Variants in SLC25A17 observed in about 807,000 individuals in gnomAD.
SLC25A17 encodes peroxisomal membrane protein PMP34.
A neutral mutation model predicts 38.5 loss-of-function variants in SLC25A17; 26 were observed. The observed-to-expected ratio is 0.68, with a 90% CI of 0.50 to 0.94. The LOEUF is 0.94. SLC25A17 is among the 40% of genes least tolerant of loss of function. The pLI, the probability that SLC25A17 is intolerant of heterozygous loss-of-function variation, is 0.00. For missense variants in SLC25A17, 333 were observed against 372.7 expected, an observed-to-expected ratio of 0.89 and a Z score of 0.88; for synonymous variants, 139 against 136.2, an observed-to-expected ratio of 1.02 and a Z score of -0.14.
chr22:40,804,717 G>A (rs560718100), intron 1 of SLC25A17, among the ~76,000 whole-genome samples: 1 of 152,302 alleles, frequency 6.6e-6, no homozygotes, highest in East Asian at 1.9e-4. Context: ...AGCCTGAAGT[G>A]TTTTATTGAG....
In SLC25A17 at chr22:40,773,970, C is replaced by T. The variant is rs777805793; in HGVS notation, c.743G>A (p.Arg248Gln). The T allele has an allele frequency of 4.3e-6, 7 of 1,613,074 alleles. No homozygotes were observed. The East Asian group carries it at 6.7e-5, about 15-fold the overall frequency. ...NPENRTLGSL[R>Q]NILYLLHQRV... ...TTGGTGAAGAAGATAGAGAATATTCCGAAGACTTCCCAATGTTCTGTTTTC... is the reference window on the plus strand; with the variant it reads ...TTGGTGAAGAAGATAGAGAATATTCTGAAGACTTCCCAATGTTCTGTTTTC... The change falls in exon 8 of 9, where the codon CGG (arginine) becomes CAG (glutamine). Residue 248 changes from arginine to glutamine, a missense_variant. By Grantham distance (43) the Arg-to-Gln change is conservative. Transcript: ENST00000435456.
intron 4 of SLC25A17, among the ~76,000 whole-genome samples, chr22:40,781,446 C>T (rs141476877): frequency 0.018 from 2,806 of 152,042 alleles, 79 homozygotes; most frequent in African/African-American, 0.063. Context: ...GGGGTTTCAC[C>T]GTGTTAGCCA....
intron 1 of SLC25A17, among the ~76,000 whole-genome samples, chr22:40,807,009 T>C (rs554969604): frequency 6.6e-6 from 1 of 152,310 alleles, no homozygotes; most frequent in South Asian, 2.1e-4. Context: ...ATTGCCACCA[T>C]GCCCGGCCAT....
At position 40,799,082 on chromosome 22, in the gene SLC25A17, C is replaced by T; in HGVS notation, c.56G>A (p.Gly19Glu). 2 of 1,613,290 alleles carry T rather than the reference C, an allele frequency of 1.2e-6. No individual in the cohort carries two copies. Among genetic ancestry groups the T allele is most frequent in the Non-Finnish European group, 1.7e-6 (2 of 1,179,488 alleles). Residue 19 changes from glycine (G) to glutamate (E), a missense_variant and splice_region_variant, in exon 2 of 9, where the codon GGA becomes GAA. Gly to Glu is a moderately conservative substitution (Grantham distance 98). Transcript: ENST00000435456. ...SLVHAVAGAVGSVTAMTVFFP... is the reference protein window; with the variant it reads ...SLVHAVAGAVESVTAMTVFFP... ...AAACACTGTCATTGCTGTCACGCTTCCCTGAAAAGTTTGAAAAAGGCCATT... is the reference window on the plus strand; with the variant it reads ...AAACACTGTCATTGCTGTCACGCTTTCCTGAAAAGTTTGAAAAAGGCCATT...
intron 1 of SLC25A17, among the ~76,000 whole-genome samples, chr22:40,804,673 G>A (rs1474353099): frequency 6.6e-6 from 1 of 152,140 alleles, no homozygotes; most frequent in African/African-American, 2.4e-5. Flanking sequence ...CTATTGTATA[G>A]GTTGTCTCTT....
intron 8 of SLC25A17, 110 bp from the exon 9 acceptor site, chr22:40,771,091 A>G (rs967690126): frequency 1.1e-6 from 1 of 949,726 alleles, no homozygotes; most frequent in Non-Finnish European, 1.5e-6. Context: ...AGATTTCAAC[A>G]CAGACTTCTG....
At chr22:40,804,883 G>A (rs559794828) in intron 1 of SLC25A17, among the ~76,000 whole-genome samples, 1 of 152,086 alleles carries the variant, frequency 6.6e-6, no homozygotes, top group Admixed American at 6.6e-5. Flanking sequence ...GTCAAGGCAG[G>A]TGGATCACTT....
intron 4 of SLC25A17, among the ~76,000 whole-genome samples, chr22:40,783,747 C>A (rs1343819118): frequency 4.0e-5 from 6 of 151,852 alleles, no homozygotes; most frequent in Non-Finnish European, 2.9e-5. Flanking sequence ...GCTCTATCTC[C>A]CAGGCTGGAG....
intron 1 of SLC25A17, among the ~76,000 whole-genome samples, chr22:40,804,968 AGGAAAGAAAGAG>A (rs1478811892): frequency 6.6e-6 from 1 of 151,878 alleles, no homozygotes; most frequent in Non-Finnish European, 1.5e-5. Flanking sequence ...AAAAAAGGTG[AGGAAAGAAAGAG>A]AAGGAAGGAA....
intron 4 of SLC25A17, among the ~76,000 whole-genome samples, chr22:40,788,563 C>T (rs941775575): frequency 2.0e-5 from 3 of 152,042 alleles, no homozygotes; most frequent in East Asian, 1.9e-4. Context: ...TGGTGGTGTG[C>T]GCCTGTAATT....
chr22:40,814,554 C>T (rs1365266270), intron 1 of SLC25A17, among the ~76,000 whole-genome samples: 1 of 152,070 alleles, frequency 6.6e-6, no homozygotes, highest in Non-Finnish European at 1.5e-5. Flanking sequence ...TCCTTGAGAA[C>T]TCCATGTAAC....
At chr22:40,796,036 G>A (rs368750791) in intron 2 of SLC25A17, among the ~76,000 whole-genome samples, 212 of 151,994 alleles carry the variant, frequency 1.4e-3, no homozygotes, top group African/African-American at 4.9e-3. Flanking sequence ...TGATCCGCCC[G>A]CCTCGGCCTC....
intron 5 of SLC25A17, among the ~76,000 whole-genome samples, chr22:40,777,690 G>A (rs942960736): frequency 2.0e-5 from 3 of 151,508 alleles, no homozygotes; most frequent in Non-Finnish European, 4.4e-5. Flanking sequence ...GCTGAGGCAG[G>A]AGAATTGCTT....
chr22:40,795,339 C>T (rs1488394996), intron 2 of SLC25A17, among the ~76,000 whole-genome samples: 4 of 151,932 alleles, frequency 2.6e-5, no homozygotes, highest in African/African-American at 9.7e-5. Context: ...GTCACCCAGG[C>T]TGGAGTGCAG....
chr22:40,781,189 G>GA (rs957524107), intron 4 of SLC25A17, among the ~76,000 whole-genome samples: 21 of 148,004 alleles, frequency 1.4e-4, no homozygotes, highest in East Asian at 1.4e-3. Flanking sequence ...AAAGAAAAAA[G>GA]AAAAAAAAAT....
chr22:40,810,191 T>C (rs193068114), intron 1 of SLC25A17, among the ~76,000 whole-genome samples: 1 of 152,094 alleles, frequency 6.6e-6, no homozygotes, highest in Non-Finnish European at 1.5e-5. Context: ...ATCTCCAGAG[T>C]GCTAACAGTG....
intron 1 of SLC25A17, among the ~76,000 whole-genome samples, chr22:40,810,340 A>T (rs1019506230): frequency 1.3e-5 from 2 of 150,768 alleles, no homozygotes; most frequent in African/African-American, 4.9e-5. Flanking sequence ...GCTATGCATT[A>T]AATATTCTTT....
chr22:40,776,945 A>G, intron 7 of SLC25A17, 95 bp downstream of exon 7: 1 of 1,038,518 alleles, frequency 9.6e-7, no homozygotes, highest in South Asian at 1.4e-5. Flanking sequence ...ATACCAACTA[A>G]CTGCTTTATT....
rs747382666 is a variant in SLC25A17 at position 40,779,112 on chromosome 22, C to A, written c.348G>T (p.Val116=). The A allele has an allele frequency of 6.2e-7, 1 of 1,614,170 alleles. No individual in the cohort carries two copies. Among genetic ancestry groups the A allele is most frequent in the East Asian group, 2.2e-5 (1 of 44,888 alleles). Residue 116 remains valine, a synonymous_variant, in exon 5 of 9, where the codon GTG becomes GTT. Coordinates refer to ENST00000435456, the MANE Select transcript of SLC25A17 (RefSeq NM_006358.4). ...VVGFVAGVVN[V]LLTTPLWVVN... is the part of the protein sequence containing the mutation. Reference sequence around the variant, plus strand: ...CCACCCAGAGTGGAGTTGTTAGCAACACATTAACCACTCCTTTAACAAGAA... The same window carrying A: ...CCACCCAGAGTGGAGTTGTTAGCAAAACATTAACCACTCCTTTAACAAGAA...
Sources: gnomAD v4.1 joint callset for allele counts (sites outside exome capture counted in the v4.1 genomes callset) on GRCh38, gnomAD v4.1.1 for gene constraint, MANE v1.5 for transcripts, NCBI Gene and HGNC (gene_info 2026-07-23, HGNC 2026-07-21) for gene names.